The following EPN1 variants were observed in gnomAD, a reference collection of about 807,000 sequenced individuals.
The protein encoded by EPN1 is epsin-1.
A neutral mutation model predicts 56.9 loss-of-function variants in EPN1; 25 were observed. The ratio of observed to expected loss-of-function variants is 0.44; its 90% CI spans 0.32 to 0.61. EPN1 has a LOEUF of 0.61. Ranked by LOEUF, EPN1 falls within the 20% of genes least tolerant of loss-of-function variation. The probability of loss-of-function intolerance (pLI) is 0.05; values close to 1 mark genes in which losing one functional copy is unlikely to be tolerated. For missense variants in EPN1, 785 were observed against 823.7 expected (o/e 0.95, Z 0.58); for synonymous variants, 411 against 361.8 (o/e 1.14, Z -1.54).
rs1380448612 is a variant in EPN1 at position 55,685,606 on chromosome 19, G to A, written c.439G>A (p.Ala147Thr). Residue 147 changes from alanine to threonine, a missense_variant, in exon 3 of 11, where the codon GCG becomes ACG. By Grantham distance (58) the Ala-to-Thr change is moderately conservative. Coordinates refer to ENST00000270460, the MANE Select transcript of EPN1 (RefSeq NM_001130072.2). ...EDRLREERAHALKTKEKLAQT... is the reference protein window; with the variant it reads ...EDRLREERAHTLKTKEKLAQT... ...CCGGCTGCGGGAAGAGCGGGCGCAC[G>A]CGCTCAAGACCAAGGAAAAGCTGGC... 3.1e-6 allele frequency: 5 copies of A among 1,603,796 alleles called. No homozygotes were observed. The Admixed American group carries it at 5.1e-5, about 16-fold the overall frequency.
chr19:55,679,591 C>T (rs1334264155), intron 2 of EPN1, among the ~76,000 whole-genome samples: 1 of 152,228 alleles, frequency 6.6e-6, no homozygotes, highest in South Asian at 2.1e-4. Context: ...AAGGCCCCAC[C>T]CTCATGCGCT....
intron 8 of EPN1, 44 bp from the exon 9 acceptor site, chr19:55,692,907 C>G (rs781599720): frequency 6.2e-7 from 1 of 1,605,648 alleles, no homozygotes; most frequent in Admixed American, 1.7e-5. Context: ...GGGGCTGAGG[C>G]GGGGCCCCAG....
intron 1 of EPN1, chr19:55,677,583 T>TAATG (rs1029681574): frequency 6.5e-7 from 1 of 1,548,778 alleles, no homozygotes; most frequent in Admixed American, 2.0e-5. Context: ...TTGAAAAAGG[T>TAATG]AATGTCCCTC....
At chr19:55,687,081 G>C (rs1444698323) in intron 3 of EPN1, among the ~76,000 whole-genome samples, 1 of 152,190 alleles carries the variant, frequency 6.6e-6, no homozygotes, top group Non-Finnish European at 1.5e-5. Context: ...ATTTTATGTA[G>C]TTTTCACGTG....
At chr19:55,693,545 G>A (rs768705049) in intron 9 of EPN1, among the ~76,000 whole-genome samples, 11 of 152,198 alleles carry the variant, frequency 7.2e-5, no homozygotes, top group Non-Finnish European at 1.2e-4. Context: ...GCCCATCGCC[G>A]GTGACGGGCC....
chr19:55,688,810 G>C, intron 3 of EPN1, 60 bp from the exon 4 acceptor site: 13 of 1,550,678 alleles, frequency 8.4e-6, no homozygotes, highest in Non-Finnish European at 1.1e-5. Flanking sequence ...TCTAGGCTAT[G>C]GGGTTTCCTG....
intron 2 of EPN1, among the ~76,000 whole-genome samples, chr19:55,681,629 G>A (rs911847424): frequency 3.3e-5 from 5 of 152,140 alleles, no homozygotes; most frequent in African/African-American, 1.2e-4. Flanking sequence ...TTTTCATCTG[G>A]CTCCTTACAG....
At chr19:55,692,641 G>A (rs904014894) in intron 7 of EPN1, 45 bp from the exon 8 acceptor site, 56 of 1,309,388 alleles carry the variant, frequency 4.3e-5, no homozygotes, top group Non-Finnish European at 5.8e-5. Context: ...AGCCATCTGG[G>A]CAGTCAAGGT....
chr19:55,693,898 A>G (rs761227979), intron 9 of EPN1, among the ~76,000 whole-genome samples: 1 of 152,110 alleles, frequency 6.6e-6, no homozygotes, highest in Non-Finnish European at 1.5e-5. Context: ...TTTCAACATT[A>G]GGTAGAATTC....
At chr19:55,685,770 C>G in intron 3 of EPN1, 125 bp downstream of exon 3, 1 of 1,261,958 alleles carries the variant, frequency 7.9e-7, no homozygotes, top group Non-Finnish European at 1.1e-6. Flanking sequence ...CCCTTTGCTT[C>G]TCCTCACCTG....
rs2122202220 is a variant in EPN1, at chr19:55,689,664, A to G, written c.679-203A>G. Among the ~76,000 whole-genome samples the G allele has an allele frequency of 6.6e-6, 1 of 152,262 alleles. No individual in the cohort carries two copies. The highest frequency in any genetic ancestry group is 1.9e-4 in the East Asian group (1 of 5,166). On this transcript the variant is annotated intron_variant, in intron 5 of 10. Coordinates refer to ENST00000270460, the MANE Select transcript of EPN1 (RefSeq NM_001130072.2). This position sits in a 1 kb window ranked among gnomAD's most constrained non-coding sequence, Gnocchi z 5.7. Reference sequence around the variant, plus strand: ...CCGTCCTCCCCGGGTGCGCCAGCACAGCACCCCACTCCCCTTATCCCCTGT... The same window carrying G: ...CCGTCCTCCCCGGGTGCGCCAGCACGGCACCCCACTCCCCTTATCCCCTGT...
chr19:55,678,481 A>G (rs1985584147), intron 1 of EPN1, 46 bp from the exon 2 acceptor site: 1 of 1,494,252 alleles, frequency 6.7e-7, no homozygotes, highest in Non-Finnish European at 8.9e-7. Flanking sequence ...GGCTCTGGGC[A>G]GGCCATGTCC....
At chr19:55,693,877 T>C (rs1031339331) in intron 9 of EPN1, among the ~76,000 whole-genome samples, 1 of 152,140 alleles carries the variant, frequency 6.6e-6, no homozygotes. Context: ...CCCATACAAA[T>C]GTGTGCATTT....
intron 1 of EPN1, chr19:55,676,940 C>A (rs561849699): frequency 6.8e-4 from 354 of 523,538 alleles, no homozygotes; most frequent in Non-Finnish European, 9.8e-4. Flanking sequence ...TCTTCTCAGT[C>A]CCCTTCTCTG....
chr19:55,685,360 G>A (rs766718855), intron 2 of EPN1, 36 bp from the exon 3 acceptor site: 96 of 1,594,174 alleles, frequency 6.0e-5, no homozygotes, highest in African/African-American at 1.1e-4. Context: ...CCTTGTGCCC[G>A]GCGTGCTGAC....
chr19:55,693,137 C>T (rs549900987), intron 9 of EPN1, 100 bp downstream of exon 9: 34 of 1,197,714 alleles, frequency 2.8e-5, no homozygotes, highest in Admixed American at 1.3e-4. Context: ...CAGGCAGGGC[C>T]GGCTGGACTT....
rs371619298 is a variant in EPN1 at position 55,689,032 on chromosome 19, C to T, written c.603+38C>T. On this transcript the variant is annotated intron_variant, in intron 4 of 10. Transcript: ENST00000270460. The surrounding 1 kb of genome is among the most constrained non-coding windows in gnomAD (Gnocchi z 5.7). ...CAGCTGGGGCTGTCTGTCCGCCACC[C>T]GCCTCCACGCCTCACTTCAGGCTCC... 49 of 1,546,292 alleles carry T rather than the reference C, an allele frequency of 3.2e-5. No individual in the cohort carries two copies. Among genetic ancestry groups the T allele is most frequent in the East Asian group, 9.2e-5 (4 of 43,344 alleles).
At chr19:55,680,625 G>A (rs1206383309) in intron 2 of EPN1, 2 of 152,502 alleles carry the variant, frequency 1.3e-5, no homozygotes, top group East Asian at 3.9e-4. Context: ...AGGTCAGCAC[G>A]TGTCACTGTT....
intron 6 of EPN1, among the ~76,000 whole-genome samples, chr19:55,690,183 C>A (rs769424973): frequency 3.2e-4 from 48 of 152,364 alleles, no homozygotes; most frequent in Non-Finnish European, 5.4e-4. Context: ...GCTGGCCATC[C>A]CCCTTCGGGC....
Sources: gnomAD v4.1 joint callset for allele counts (sites outside exome capture counted in the v4.1 genomes callset) on GRCh38, gnomAD v4.1.1 for gene constraint, Gnocchi (gnomAD v3.1) non-coding constraint, MANE v1.5 for transcripts, NCBI Gene and HGNC (gene_info 2026-07-23, HGNC 2026-07-21) for gene names.